EHD3: variants seen among roughly 807,000 people sequenced by gnomAD.
The protein encoded by EHD3 is EH domain containing 3.
EHD3 carries 17 observed loss-of-function variants against 43.0 expected under a neutral mutation model. The observed-to-expected ratio is 0.40, with a 90% confidence interval of 0.27 to 0.59. The LOEUF (loss-of-function observed/expected upper bound fraction) is 0.59, where lower values mean the gene tolerates loss of function less well. Ranked by LOEUF, EHD3 falls within the 20% of genes least tolerant of loss-of-function variation. The probability of loss-of-function intolerance (pLI) is 0.49; values close to 1 mark genes in which losing one functional copy is unlikely to be tolerated. For synonymous variants in EHD3, 313 were observed against 289.5 expected, an observed-to-expected ratio of 1.08 and a Z score of -0.82; for missense variants, 594 against 705.6, an observed-to-expected ratio of 0.84 and a Z score of 1.79.
chr2:31,239,796 T>C (rs1162397551), intron 1 of EHD3, among the ~76,000 whole-genome samples: 1 of 152,064 alleles, frequency 6.6e-6, no homozygotes, highest in African/African-American at 2.4e-5. Flanking sequence ...CCAGCTGTGC[T>C]CCAGGCACCG....
At chr2:31,241,231 C>A (rs1683418730) in intron 1 of EHD3, among the ~76,000 whole-genome samples, 1 of 152,188 alleles carries the variant, frequency 6.6e-6, no homozygotes, top group African/African-American at 2.4e-5. Context: ...AACCATATTT[C>A]TTTGTGGCCT....
Position 31,243,259 on chromosome 2 carries a change from C to T in EHD3, c.228-1015C>T, listed in dbSNP as rs190313621. 3.2e-3 allele frequency among the ~76,000 whole-genome samples: 491 copies of T among 152,140 alleles called. 2 individuals carry two copies. Among genetic ancestry groups the T allele is most frequent in the African/African-American group, 0.011 (465 of 41,498 alleles). ...CGCCACTACACTCCAGCCTGGGCGA[C>T]GGAATGACACTCCATGTCAGCAAGA... On this transcript the variant is annotated intron_variant, in intron 1 of 5. Coordinates refer to ENST00000322054, the MANE Select transcript of EHD3 (RefSeq NM_014600.3).
Position 31,266,513 on chromosome 2 carries a change from C to T in EHD3, c.1417C>T (p.Arg473Cys), listed in dbSNP as rs370382338. 31 of 1,613,998 alleles carry T rather than the reference C, an allele frequency of 1.9e-5. No individual in the cohort carries two copies. Among genetic ancestry groups the T allele is most frequent in the Middle Eastern group, 1.6e-4 (1 of 6,084 alleles). ...CGCTAATGCCAAGAAGGAGATGGTG[C>T]GCTCCAAGCTGCCCAACAGTGTGCT... ...TGANAKKEMV[R>C]SKLPNSVLGK... Residue 473 changes from arginine to cysteine, a missense_variant, in exon 6 of 6, where the codon CGC becomes TGC. Arg to Cys is a radical substitution (Grantham distance 180). Around this residue, in one of 3 missense-constraint regions of EHD3, gnomAD observed 322 missense variants for 348.0 expected, o/e 0.93. Transcript: ENST00000322054. This position sits in a 1 kb window ranked among gnomAD's most constrained non-coding sequence, Gnocchi z 5.1.
In EHD3 at chr2:31,266,898, T is replaced by G. The variant is rs1165533995; in HGVS notation, c.*194T>G. 1 of 679,206 alleles carries G rather than the reference T, an allele frequency of 1.5e-6. No homozygotes were observed. Among genetic ancestry groups the G allele is most frequent in the African/African-American group, 1.8e-5 (1 of 55,148 alleles). The allele number at this position is 679,206 out of a possible 1,614,324, so 42.1% of individuals were successfully genotyped here. A position where few individuals can be genotyped will look rare whatever the true frequency, so the allele number is the denominator to read the frequency against. On this transcript the variant is annotated 3_prime_UTR_variant, in exon 6 of 6. Coordinates refer to ENST00000322054, the MANE Select transcript of EHD3 (RefSeq NM_014600.3). This position sits in a 1 kb window ranked among gnomAD's most constrained non-coding sequence, Gnocchi z 5.1. Reference sequence around the variant, plus strand: ...ATACTTGTTTGGGCACACCTCCAAGTTCTCGGGATTAGAAGGACAAGAGCA... The same window carrying G: ...ATACTTGTTTGGGCACACCTCCAAGGTCTCGGGATTAGAAGGACAAGAGCA...
At chr2:31,242,992 T>C (rs1018947522) in intron 1 of EHD3, among the ~76,000 whole-genome samples, 13 of 150,502 alleles carry the variant, frequency 8.6e-5, no homozygotes, top group Admixed American at 8.6e-4. Context: ...ATAAATAAAA[T>C]CAGGTCAGGC....
At chr2:31,263,210 G>GT (rs1683886809) in intron 5 of EHD3, among the ~76,000 whole-genome samples, 1 of 152,202 alleles carries the variant, frequency 6.6e-6, no homozygotes, top group Admixed American at 6.5e-5. Context: ...TGTTTTGCGG[G>GT]TTTCCCGGTC....
At chr2:31,243,460 C>CTTTCTTTCTTT (rs1553402472) in intron 1 of EHD3, among the ~76,000 whole-genome samples, 16 of 98,466 alleles carry the variant, frequency 1.6e-4, no homozygotes, top group African/African-American at 6.9e-4. Context: ...TTCTTTCTTT[C>CTTTCTTTCTTT]TTTTTTTTTT....
At chr2:31,253,896 GGAA>G (rs760355428) in intron 3 of EHD3, among the ~76,000 whole-genome samples, 58 of 152,280 alleles carry the variant, frequency 3.8e-4, no homozygotes, top group Non-Finnish European at 8.2e-4. Context: ...CTCATTACTG[GGAA>G]GAAGTGAGGA....
chr2:31,254,198 A>G (rs931587407), intron 3 of EHD3, among the ~76,000 whole-genome samples: 4 of 152,002 alleles, frequency 2.6e-5, no homozygotes, highest in African/African-American at 9.7e-5. Flanking sequence ...CATTATCATC[A>G]CCTGCCCCGG....
chr2:31,248,538 A>G (rs1683571758), intron 2 of EHD3, among the ~76,000 whole-genome samples: 1 of 152,124 alleles, frequency 6.6e-6, no homozygotes, highest in Non-Finnish European at 1.5e-5. Flanking sequence ...AGTGTCCCCA[A>G]CAGCAGGAGT....
intron 1 of EHD3, among the ~76,000 whole-genome samples, chr2:31,239,228 C>T (rs1160783184): frequency 6.6e-6 from 1 of 152,220 alleles, no homozygotes; most frequent in East Asian, 1.9e-4. Context: ...AGGGCCACCA[C>T]CCCAGTAGAC....
In EHD3 at chr2:31,269,248, C is replaced by G. The variant is rs147697531; in HGVS notation, c.*2544C>G. The stretch of plus-strand genomic sequence containing the variant: ...GTTCCTTGCCCCGACATTACTCAGT[C>G]TGGGCCATGGAATCCATCCAATAAA... On this transcript the variant is annotated 3_prime_UTR_variant, in exon 6 of 6. Coordinates refer to ENST00000322054, the MANE Select transcript of EHD3 (RefSeq NM_014600.3). 1 of 152,220 alleles carries G rather than the reference C, an allele frequency of 6.6e-6. No homozygotes were observed. Among genetic ancestry groups the G allele is most frequent in the East Asian group, 1.9e-4 (1 of 5,194 alleles). 9.4% of individuals were successfully genotyped at this position (152,220 alleles called of 1,614,324 possible). A position where few individuals can be genotyped will look rare whatever the true frequency, so the allele number is the denominator to read the frequency against.
intron 3 of EHD3, among the ~76,000 whole-genome samples, chr2:31,253,536 A>C (rs1683680960): frequency 6.6e-6 from 1 of 152,148 alleles, no homozygotes; most frequent in Admixed American, 6.5e-5. Flanking sequence ...ACCAGATAAA[A>C]AGGGGCATGG....
At chr2:31,239,839 C>CTCTAACAG (rs1558646404) in intron 1 of EHD3, among the ~76,000 whole-genome samples, 3 of 57,340 alleles carry the variant, frequency 5.2e-5, no homozygotes, top group African/African-American at 3.0e-4. Context: ...TCTCCTCTCT[C>CTCTAACAG]GAGCTGACTC....
Position 31,268,091 on chromosome 2 carries a change from A to G in EHD3, c.*1387A>G, listed in dbSNP as rs1244912489. Reference sequence around the variant, plus strand: ...ATACTATTCTCAGAAGGCTAACTTGAGAGGTTTGGGGCCTTGTTCCCCAGA... The same window carrying G: ...ATACTATTCTCAGAAGGCTAACTTGGGAGGTTTGGGGCCTTGTTCCCCAGA... On this transcript the variant is annotated 3_prime_UTR_variant, in exon 6 of 6. Coordinates refer to ENST00000322054, the MANE Select transcript of EHD3 (RefSeq NM_014600.3). The G allele has an allele frequency of 1.3e-5, 2 of 152,610 alleles. No homozygotes were observed. Among genetic ancestry groups the G allele is most frequent in the Admixed American group, 6.5e-5 (1 of 15,276 alleles). The allele number at this position is 152,610 out of a possible 1,614,324, so 9.5% of individuals were successfully genotyped here.
chr2:31,265,283 C>T (rs145638265), intron 5 of EHD3, among the ~76,000 whole-genome samples: 4 of 152,256 alleles, frequency 2.6e-5, no homozygotes, highest in Admixed American at 2.6e-4. Flanking sequence ...TTATCATTAT[C>T]CGGTATTATG....
Position 31,260,917 on chromosome 2 carries a change from G to C in EHD3, c.910G>C (p.Ala304Pro). ...CGACCTCATCAAAAGGGCCAGGCTG[G>C]CCAAGGTGAGGCAGCCCCCTGGGAG... ...LNDLIKRARLAKVHAYIISSL... is the reference protein window; with the variant it reads ...LNDLIKRARLPKVHAYIISSL... The change falls in exon 4 of 6, where the codon GCC (alanine) becomes CCC (proline). Residue 304 changes from alanine to proline, a missense_variant. By Grantham distance (27) the Ala-to-Pro change is conservative. Coordinates refer to ENST00000322054, the MANE Select transcript of EHD3 (RefSeq NM_014600.3). This position sits in a 1 kb window ranked among gnomAD's most constrained non-coding sequence, Gnocchi z 4.6. 1 of 1,601,580 alleles carries C rather than the reference G, an allele frequency of 6.2e-7. No individual in the cohort carries two copies. The highest frequency in any genetic ancestry group is 8.5e-7 in the Non-Finnish European group (1 of 1,173,552).
intron 3 of EHD3, among the ~76,000 whole-genome samples, chr2:31,251,200 CCT>C (rs1683627818): frequency 6.6e-6 from 1 of 152,192 alleles, no homozygotes; most frequent in South Asian, 2.1e-4. Flanking sequence ...GCCTTGGTGT[CCT>C]CTCTGCAGAA....
intron 1 of EHD3, among the ~76,000 whole-genome samples, chr2:31,238,139 G>C (rs1683355887): frequency 6.6e-6 from 1 of 152,108 alleles, no homozygotes; most frequent in South Asian, 2.1e-4. Flanking sequence ...TTTTCCGAGA[G>C]GGTGAGTTGA....
Sources: allele counts gnomAD v4.1 joint callset (sites outside exome capture counted in the v4.1 genomes callset), GRCh38; gene constraint gnomAD v4.1.1; regional missense constraint gnomAD v4.1.1; non-coding constraint Gnocchi (gnomAD v3.1); transcripts MANE v1.5; gene names NCBI Gene and HGNC (gene_info 2026-07-23, HGNC 2026-07-21).